The following TMEM114 variants were observed in gnomAD, a reference collection of about 807,000 sequenced individuals.
TMEM114 encodes claudin-26.
A neutral mutation model predicts 6.2 loss-of-function variants in TMEM114; 6 were observed. That is an observed-to-expected ratio of 0.97 (90% CI 0.53 to 1.91). The LOEUF (loss-of-function observed/expected upper bound fraction) is 1.91. Among genes scored for constraint, TMEM114 ranks in the 40% most tolerant of loss-of-function variants. The probability of loss-of-function intolerance (pLI) is 0.01; values close to 1 mark genes in which losing one functional copy is unlikely to be tolerated. For synonymous variants in TMEM114, 104 were observed against 73.0 expected (o/e 1.42, Z -2.16); for missense variants, 218 against 158.3 (o/e 1.38, Z -2.02).
chr16:8,579,229 G>C (rs1004352178), intron 2 of TMEM114, among the ~76,000 whole-genome samples: 1 of 152,182 alleles, frequency 6.6e-6, no homozygotes, highest in Non-Finnish European at 1.5e-5. Flanking sequence ...TGTGAGGTCA[G>C]GAAGCCCCGA....
chr16:8,545,789 C>G (rs1900647933), intron 2 of TMEM114, among the ~76,000 whole-genome samples: 1 of 152,196 alleles, frequency 6.6e-6, no homozygotes, highest in Non-Finnish European at 1.5e-5. Context: ...CATATTTTAC[C>G]CTTCTTAAAA....
In TMEM114 at chr16:8,549,890, C is replaced by T. The variant is rs184936349; in HGVS notation, n.213-12064G>A. Among the ~76,000 whole-genome samples the T allele has an allele frequency of 2.1e-3, 320 of 152,266 alleles. 1 individual carries two copies. Among genetic ancestry groups the T allele is most frequent in the African/African-American group, 7.1e-3 (294 of 41,560 alleles). The stretch of plus-strand genomic sequence containing the variant: ...CACATGATCACAAGGTGAAGTCCCC[C>T]CACAGTCCATCTGCAAGCTGAGGGG... On this transcript the variant is annotated intron_variant and non_coding_transcript_variant, in intron 2 of 2. Coordinates refer to the TMEM114 transcript ENST00000623677.
chr16:8,581,056 T>A lies in TMEM114; in HGVS notation c.301+8157A>T, dbSNP rs144131852. On this transcript the variant is annotated intron_variant, in intron 2 of 3. Transcript: ENST00000620492. ...GACCATCCACAGCACCCCACAATCA[T>A]AATTGGCAGTATATTTGTCTATCTT... 4.2e-3 allele frequency among the ~76,000 whole-genome samples: 632 copies of A among 152,288 alleles called. 3 individuals are homozygous for A. The highest frequency in any genetic ancestry group is 0.031 in the Middle Eastern group (9 of 294).
At chr16:8,534,109 AG>A (rs1159253254), downstream of TMEM114, among the ~76,000 whole-genome samples, 3 of 152,214 alleles carry the variant, frequency 2.0e-5, no homozygotes, top group Non-Finnish European at 4.4e-5. Context: ...GTCATTCATC[AG>A]AAAATCTGAA....
At chr16:8,572,320 A>C in intron 2 of TMEM114, 96 bp from the exon 3 acceptor site, 1 of 1,363,688 alleles carries the variant, frequency 7.3e-7, no homozygotes, top group Non-Finnish European at 1.0e-6. Context: ...AGAGCTGGGG[A>C]AAATCCACAC....
chr16:8,534,450 T>C (rs754718602), downstream of TMEM114, among the ~76,000 whole-genome samples: 3 of 152,108 alleles, frequency 2.0e-5, no homozygotes, highest in Non-Finnish European at 4.4e-5. Context: ...GGGTGTAGAA[T>C]TGCTTTGAGG....
chr16:8,576,290 C>A (rs1217072002), intron 2 of TMEM114, among the ~76,000 whole-genome samples: 5 of 152,202 alleles, frequency 3.3e-5, no homozygotes, highest in Non-Finnish European at 7.3e-5. Context: ...TTACCCAGTC[C>A]AGAACAAACC....
At chr16:8,566,255 T>C (rs1407025889), downstream of TMEM114, among the ~76,000 whole-genome samples, 1 of 151,990 alleles carries the variant, frequency 6.6e-6, no homozygotes, top group Non-Finnish European at 1.5e-5. Flanking sequence ...TGCGTGCCTG[T>C]AGTCCCAGCT....
At chr16:8,568,282 C>G (rs763985147), downstream of TMEM114, among the ~76,000 whole-genome samples, 1 of 152,180 alleles carries the variant, frequency 6.6e-6, no homozygotes, top group Admixed American at 6.5e-5. Context: ...CATTGCCCCC[C>G]CAGTTGCTGG....
Position 8,572,068 on chromosome 16 carries a change from A to T in TMEM114, c.439+19T>A. The T allele has an allele frequency of 6.5e-7, 1 of 1,527,118 alleles. No individual in the cohort carries two copies. The highest frequency in any genetic ancestry group is 2.0e-5 in the Admixed American group (1 of 49,072). 94.6% of individuals were successfully genotyped at this position (1,527,118 alleles called of 1,614,324 possible). On this transcript the variant is annotated intron_variant, in intron 3 of 3. Transcript: ENST00000620492. ...CCCCCAGACCACAAGCCAGAGCCCT[A>T]GGCAGGGTGGGCACCTACCTCCAAA...
chr16:8,556,023 C>T (rs1229461243), intron 2 of TMEM114, among the ~76,000 whole-genome samples: 1 of 152,230 alleles, frequency 6.6e-6, no homozygotes, highest in African/African-American at 2.4e-5. Context: ...TTCAACACCA[C>T]CTGTCGGCAT....
downstream of TMEM114, among the ~76,000 whole-genome samples, chr16:8,569,257 C>T (rs1389958479): frequency 6.6e-6 from 1 of 152,168 alleles, no homozygotes; most frequent in Non-Finnish European, 1.5e-5. Flanking sequence ...GGGAGTCTCG[C>T]AGCTTCATAT....
chr16:8,560,926 G>A (rs759360781), intron 2 of TMEM114, among the ~76,000 whole-genome samples: 2 of 152,186 alleles, frequency 1.3e-5, no homozygotes, highest in Non-Finnish European at 2.9e-5. Context: ...GGCTGGGGAG[G>A]CCTCACAATC....
At chr16:8,540,373 T>C (rs950916377) in intron 2 of TMEM114, among the ~76,000 whole-genome samples, 3 of 152,206 alleles carry the variant, frequency 2.0e-5, no homozygotes, top group Non-Finnish European at 2.9e-5. Context: ...GGTATCATTA[T>C]ATCAACCTCA....
At chr16:8,568,390 G>C (rs931260592), downstream of TMEM114, among the ~76,000 whole-genome samples, 1 of 152,124 alleles carries the variant, frequency 6.6e-6, no homozygotes, top group South Asian at 2.1e-4. Flanking sequence ...CAGCTATAAT[G>C]ATGACAATGC....
chr16:8,529,954 C>A, the TMEM114 span, among the ~76,000 whole-genome samples: 1 of 152,174 alleles, frequency 6.6e-6, no homozygotes, highest in Non-Finnish European at 1.5e-5. Flanking sequence ...ATGGAATGCA[C>A]ATCACTTCAC....
chr16:8,565,167 A>T (rs889687012), downstream of TMEM114, among the ~76,000 whole-genome samples: 2 of 152,148 alleles, frequency 1.3e-5, no homozygotes, highest in Admixed American at 1.3e-4. Flanking sequence ...GGATGGATGC[A>T]TGGATGGATG....
At chr16:8,536,666 G>A (rs1900369528), downstream of TMEM114, among the ~76,000 whole-genome samples, 1 of 151,866 alleles carries the variant, frequency 6.6e-6, no homozygotes, top group Non-Finnish European at 1.5e-5. Flanking sequence ...ATTTTGGTTT[G>A]TTTTTGTTTG....
intron 2 of TMEM114, among the ~76,000 whole-genome samples, chr16:8,574,329 G>A (rs1031444576): frequency 2.6e-5 from 4 of 152,126 alleles, no homozygotes; most frequent in Admixed American, 2.0e-4. Context: ...GCAGTGTTGC[G>A]TCCCGTAGAG....
Sources: gnomAD v4.1 joint callset for allele counts (sites outside exome capture counted in the v4.1 genomes callset) on GRCh38, gnomAD v4.1.1 for gene constraint, MANE v1.5 for transcripts, NCBI Gene and HGNC (gene_info 2026-07-23, HGNC 2026-07-21) for gene names.